ETV6: variants seen among roughly 807,000 people sequenced by gnomAD.
ETV6 encodes the protein ETS variant transcription factor 6, also known as transcription factor ETV6.
In ETV6, 16 loss-of-function variants were observed where a neutral mutation model predicts 51.1. The ratio of observed to expected loss-of-function variants is 0.31; its 90% CI spans 0.21 to 0.48. ETV6 has a LOEUF of 0.48. Among genes scored for constraint, ETV6 ranks in the 20% least tolerant of loss-of-function variants. The probability of loss-of-function intolerance (pLI) is 0.99; values close to 1 mark genes in which losing one functional copy is unlikely to be tolerated. For synonymous variants in ETV6, 240 were observed against 224.1 expected (o/e 1.07, Z -0.64); for missense variants, 458 against 594.8 (o/e 0.77, Z 2.39).
chr12:11,886,503 A>G (rs1947187667), intron 7 of ETV6, among the ~76,000 whole-genome samples: 1 of 151,954 alleles, frequency 6.6e-6, no homozygotes, highest in African/African-American at 2.4e-5. Flanking sequence ...GATAGGATAG[A>G]GTTGAAAATG....
At chr12:11,677,135 C>G (rs1864435232) in intron 1 of ETV6, among the ~76,000 whole-genome samples, 1 of 152,212 alleles carries the variant, frequency 6.6e-6, no homozygotes, top group South Asian at 2.1e-4. Context: ...GGTCTATTCT[C>G]TCTACAAGGA....
At chr12:11,677,144 GAC>G (rs1312076532) in intron 1 of ETV6, among the ~76,000 whole-genome samples, 3 of 152,144 alleles carry the variant, frequency 2.0e-5, no homozygotes, top group Admixed American at 2.0e-4. Flanking sequence ...TCTCTACAAG[GAC>G]ACTGTGGCTC....
chr12:11,795,189 A>C (rs747868285), intron 2 of ETV6, among the ~76,000 whole-genome samples: 8 of 152,260 alleles, frequency 5.3e-5, no homozygotes, highest in Non-Finnish European at 1.0e-4. Context: ...TCAGCATATA[A>C]TATTTATAAA....
chr12:11,715,782 T>G (rs1053211929), intron 1 of ETV6, among the ~76,000 whole-genome samples: 5 of 152,236 alleles, frequency 3.3e-5, no homozygotes, highest in Admixed American at 2.0e-4. Flanking sequence ...AATGTGACCT[T>G]TGGAAGTAAG....
chr12:11,654,160 C>T (rs1189716681), intron 1 of ETV6, among the ~76,000 whole-genome samples: 6 of 152,022 alleles, frequency 3.9e-5, no homozygotes, highest in Non-Finnish European at 4.4e-5. Context: ...GCTTTTGTGT[C>T]AAAAATAACA....
At chr12:11,887,075 A>C (rs1947201190) in intron 7 of ETV6, among the ~76,000 whole-genome samples, 1 of 152,202 alleles carries the variant, frequency 6.6e-6, no homozygotes, top group Non-Finnish European at 1.5e-5. Flanking sequence ...GTAACTTAGG[A>C]ATAGTAAAAG....
At chr12:11,817,921 A>G (rs908908049) in intron 2 of ETV6, among the ~76,000 whole-genome samples, 4 of 152,216 alleles carry the variant, frequency 2.6e-5, no homozygotes, top group African/African-American at 9.7e-5. Flanking sequence ...TTTTAGAAGG[A>G]GGCTTCCTGG....
intron 1 of ETV6, among the ~76,000 whole-genome samples, chr12:11,679,899 T>G (rs1460905715): frequency 1.3e-5 from 2 of 152,240 alleles, no homozygotes; most frequent in Non-Finnish European, 2.9e-5. Flanking sequence ...ATATTACTCT[T>G]CTCAAGTTTA....
chr12:11,867,899 CCTT>C (rs748720098), intron 4 of ETV6, among the ~76,000 whole-genome samples: 35 of 152,242 alleles, frequency 2.3e-4, no homozygotes, highest in Non-Finnish European at 3.7e-4. Context: ...AGATTTCTGT[CCTT>C]CTGCACCTTA....
intron 1 of ETV6, among the ~76,000 whole-genome samples, chr12:11,676,942 A>C (rs1024344752): frequency 6.6e-6 from 1 of 152,368 alleles, no homozygotes; most frequent in East Asian, 1.9e-4. Flanking sequence ...AGGGTAATGC[A>C]TATCTGCAAT....
At position 11,891,186 on chromosome 12, in the gene ETV6, C is replaced by A; in HGVS notation, c.*140C>A. The A allele has an allele frequency of 1.5e-6, 1 of 647,276 alleles. No homozygotes were observed. Among genetic ancestry groups the A allele is most frequent in the South Asian group, 1.8e-5 (1 of 55,934 alleles). 40.1% of individuals were successfully genotyped at this position (647,276 alleles called of 1,614,324 possible). The stretch of plus-strand genomic sequence containing the variant: ...AGAAATGGCAGGGACACTTCTCTTG[C>A]AGACCAAGAGGGACCCTGGAGCACC... On this transcript the variant is annotated 3_prime_UTR_variant, in exon 8 of 8. Transcript: ENST00000396373.
intron 2 of ETV6, among the ~76,000 whole-genome samples, chr12:11,796,579 C>A (rs1330412257): frequency 6.6e-6 from 1 of 152,150 alleles, no homozygotes; most frequent in African/African-American, 2.4e-5. Flanking sequence ...CACTGGCCAT[C>A]CTAAAGGCGC....
chr12:11,709,548 C>T (rs1229144329), intron 1 of ETV6, among the ~76,000 whole-genome samples: 2 of 152,154 alleles, frequency 1.3e-5, no homozygotes, highest in Admixed American at 6.5e-5. Flanking sequence ...GATATAGGAT[C>T]TCTGAATGCA....
chr12:11,808,360 A>G (rs1945861319), intron 2 of ETV6, among the ~76,000 whole-genome samples: 1 of 152,170 alleles, frequency 6.6e-6, no homozygotes, highest in East Asian at 1.9e-4. Context: ...CTGACAAGGT[A>G]TACAGTCTGC....
chr12:11,834,297 T>C (rs895802765), intron 2 of ETV6, among the ~76,000 whole-genome samples: 2 of 152,214 alleles, frequency 1.3e-5, no homozygotes, highest in African/African-American at 4.8e-5. Context: ...AGTCAGTCTC[T>C]TAACTTCCAG....
At chr12:11,784,907 A>G (rs1945463961) in intron 2 of ETV6, among the ~76,000 whole-genome samples, 1 of 117,818 alleles carries the variant, frequency 8.5e-6, no homozygotes, top group South Asian at 2.6e-4. Context: ...AGGTCTCACT[A>G]TGTTACCCAG....
chr12:11,892,210 A>ATTTTTTTTTTTTTTTTTTTTTTTTTT lies in ETV6; in HGVS notation c.*1187_*1188insTTTTTTTTTTTTTTTTTTTTTTTTTT, dbSNP rs35812814. On this transcript the variant is annotated 3_prime_UTR_variant, in exon 8 of 8. Transcript: ENST00000396373. ...GTGGTCAGTTTCATGCCCTCACCTG[A>ATTTTTTTTTTTTTTTTTTTTTTTTTT]TTTTTTTTTTTTTTTTTTTTTTTCA... is the stretch of plus-strand genomic sequence containing the variant. 2.8e-5 allele frequency: 4 copies of ATTTTTTTTTTTTTTTTTTTTTTTTTT among 142,252 alleles called. No homozygotes were observed. The highest frequency in any genetic ancestry group is 1.7e-4 in the African/African-American group (4 of 23,878). 8.8% of individuals were successfully genotyped at this position (142,252 alleles called of 1,614,324 possible). A position where few individuals can be genotyped will look rare whatever the true frequency, so the allele number is the denominator to read the frequency against.
At chr12:11,748,889 T>A (rs957231246) in intron 1 of ETV6, among the ~76,000 whole-genome samples, 1 of 143,508 alleles carries the variant, frequency 7.0e-6, no homozygotes, top group African/African-American at 2.5e-5. Context: ...TACTTCATTA[T>A]TTTTTTTAAA....
intron 1 of ETV6, among the ~76,000 whole-genome samples, chr12:11,700,427 G>T (rs1407302755): frequency 6.6e-6 from 1 of 152,042 alleles, no homozygotes; most frequent in African/African-American, 2.4e-5. Flanking sequence ...GTATGTTCCT[G>T]TATACCCATT....
Sources: gnomAD v4.1 joint callset for allele counts (sites outside exome capture counted in the v4.1 genomes callset) on GRCh38, gnomAD v4.1.1 for gene constraint, MANE v1.5 for transcripts, NCBI Gene and HGNC (gene_info 2026-07-23, HGNC 2026-07-21) for gene names.